The following EHMT1 variants were observed in gnomAD, a reference collection of about 807,000 sequenced individuals.
EHMT1 encodes euchromatic histone lysine methyltransferase 1.
Under a neutral mutation model 147.2 loss-of-function variants are expected in EHMT1, and 15 were observed. The ratio of observed to expected loss-of-function variants is 0.10; its 90% CI spans 0.07 to 0.16. EHMT1 has a LOEUF of 0.16. Among genes scored for constraint, EHMT1 ranks in the 10% least tolerant of loss-of-function variants. The pLI is 1.00. For synonymous variants in EHMT1, 795 were observed against 709.6 expected, an observed-to-expected ratio of 1.12 and a Z score of -1.91; for missense variants, 1,587 against 1,772.4, an observed-to-expected ratio of 0.90 and a Z score of 1.88.
Position 137,787,662 on chromosome 9 carries a change from G to T in EHMT1, c.2383-3186G>T. The T allele has an allele frequency of 1.6e-6, 1 of 622,632 alleles. No homozygotes were observed. The highest frequency in any genetic ancestry group is 2.8e-6 in the Non-Finnish European group (1 of 352,626). The allele number at this position is 622,632 out of a possible 1,614,324, so 38.6% of individuals were successfully genotyped here. On this transcript the variant is annotated intron_variant, in intron 15 of 26. Coordinates refer to ENST00000460843, the MANE Select transcript of EHMT1 (RefSeq NM_024757.5). This position sits in a 1 kb window ranked among gnomAD's most constrained non-coding sequence, Gnocchi z 4.2. ...GAGGGAGGAGGGGCCTGTCTTAAGA[G>T]CCTCACAGGCTGCACCGGGAGAGCA...
chr9:137,743,886 C>A lies in EHMT1; in HGVS notation c.982-16C>A. On this transcript the variant is annotated splice_polypyrimidine_tract_variant and intron_variant, in intron 5 of 26. Transcript: ENST00000460843. ...CACTGATCCTGCCTTGGGGTATACA[C>A]CTGCCCGTGTTCTAGGGGGAGAAGG... 1.2e-6 allele frequency: 2 copies of A among 1,604,622 alleles called. No individual in the cohort carries two copies. The highest frequency in any genetic ancestry group is 1.7e-6 in the Non-Finnish European group (2 of 1,177,028).
At chr9:137,676,700 C>T (rs957363722) in intron 1 of EHMT1, among the ~76,000 whole-genome samples, 1 of 152,188 alleles carries the variant, frequency 6.6e-6, no homozygotes, top group African/African-American at 2.4e-5. Context: ...TCCGCATGAG[C>T]AGTGGGGGAA....
chr9:137,659,980 T>A (rs1349374905), intron 1 of EHMT1, among the ~76,000 whole-genome samples: 1 of 152,122 alleles, frequency 6.6e-6, no homozygotes, highest in Non-Finnish European at 1.5e-5. Context: ...GTAATTGACC[T>A]TTTTCTGTGA....
intron 1 of EHMT1, among the ~76,000 whole-genome samples, chr9:137,629,233 C>G (rs1468587785): frequency 1.3e-5 from 2 of 151,682 alleles, no homozygotes; most frequent in Middle Eastern, 3.2e-3. Context: ...GCTGGGATTA[C>G]AGGCGCCCAC....
chr9:137,809,358 C>T (rs570236224), intron 18 of EHMT1, among the ~76,000 whole-genome samples: 3 of 152,240 alleles, frequency 2.0e-5, no homozygotes, highest in Non-Finnish European at 4.4e-5. Flanking sequence ...GCGTCCTTCT[C>T]TCTTGGGGGT....
In EHMT1 at chr9:137,801,348, G is replaced by A. The variant is rs139419008; in HGVS notation, c.2712+364G>A. On this transcript the variant is annotated intron_variant, in intron 18 of 26. Coordinates refer to ENST00000460843, the MANE Select transcript of EHMT1 (RefSeq NM_024757.5). Reference sequence around the variant, plus strand: ...TGTTTTTGTTTCTTTTATGGATGGAGTCTCGCTCTGTCGCCCAGGCTAGAG... The same window carrying A: ...TGTTTTTGTTTCTTTTATGGATGGAATCTCGCTCTGTCGCCCAGGCTAGAG... 8.0e-4 allele frequency among the ~76,000 whole-genome samples: 122 copies of A among 152,342 alleles called. 1 individual carries two copies. The highest frequency in any genetic ancestry group is 1.4e-3 in the Non-Finnish European group (95 of 68,034).
At chr9:137,829,911 A>G (rs1439359957) in intron 25 of EHMT1, among the ~76,000 whole-genome samples, 1 of 152,186 alleles carries the variant, frequency 6.6e-6, no homozygotes, top group Non-Finnish European at 1.5e-5. Flanking sequence ...ATTAACAGAC[A>G]TTCTTCTGTT....
At position 137,787,613 on chromosome 9, in the gene EHMT1, G is replaced by C. The variant is rs1952088098; in HGVS notation, c.2383-3235G>C. 2 of 516,834 alleles carry C rather than the reference G, an allele frequency of 3.9e-6. No homozygotes were observed. Among genetic ancestry groups the C allele is most frequent in the Admixed American group, 6.4e-5 (2 of 31,126 alleles). 32.0% of individuals were successfully genotyped at this position (516,834 alleles called of 1,614,324 possible). ...ACAACCGCCTCGCCTTGGCTCCCTG[G>C]CAACAAGCTGGGGGTGGAAGCGGGA... On this transcript the variant is annotated intron_variant, in intron 15 of 26. Transcript: ENST00000460843. The surrounding 1 kb of genome is among the most constrained non-coding windows in gnomAD (Gnocchi z 4.2).
chr9:137,809,633 G>T (rs1178608398), intron 18 of EHMT1, among the ~76,000 whole-genome samples: 1 of 152,252 alleles, frequency 6.6e-6, no homozygotes, highest in Non-Finnish European at 1.5e-5. Context: ...CACCAGCAGA[G>T]CAGAACACAC....
At chr9:137,666,548 C>T (rs1939672888) in intron 1 of EHMT1, among the ~76,000 whole-genome samples, 1 of 152,060 alleles carries the variant, frequency 6.6e-6, no homozygotes, top group African/African-American at 2.4e-5. Context: ...CTGTGCAGGG[C>T]AAGGGCTGGC....
intron 1 of EHMT1, among the ~76,000 whole-genome samples, chr9:137,651,222 G>A (rs1003365835): frequency 6.6e-6 from 1 of 152,158 alleles, no homozygotes; most frequent in Non-Finnish European, 1.5e-5. Flanking sequence ...TCACTTTCTT[G>A]ATAGTATCCT....
At chr9:137,665,394 G>T (rs910463571) in intron 1 of EHMT1, among the ~76,000 whole-genome samples, 1 of 152,168 alleles carries the variant, frequency 6.6e-6, no homozygotes, top group Non-Finnish European at 1.5e-5. Context: ...CGTCGTGCAG[G>T]TGCGTCCTGG....
At chr9:137,789,468 G>T (rs561635678) in intron 15 of EHMT1, among the ~76,000 whole-genome samples, 25 of 152,312 alleles carry the variant, frequency 1.6e-4, no homozygotes, top group Non-Finnish European at 3.2e-4. Context: ...CTCGTTTTGT[G>T]TTTTTTTAAG....
chr9:137,677,449 T>A (rs1466590439), intron 1 of EHMT1, among the ~76,000 whole-genome samples: 2 of 152,080 alleles, frequency 1.3e-5, no homozygotes, highest in Non-Finnish European at 2.9e-5. Flanking sequence ...TGGACATTTT[T>A]AATTTTTTTT....
intron 9 of EHMT1, among the ~76,000 whole-genome samples, chr9:137,759,879 G>A (rs1475794409): frequency 6.6e-6 from 1 of 152,244 alleles, no homozygotes; most frequent in Non-Finnish European, 1.5e-5. Flanking sequence ...CCATCGGCCT[G>A]TGGAGTGTGC....
intron 4 of EHMT1, among the ~76,000 whole-genome samples, chr9:137,739,073 T>TAAA (rs775002104): frequency 7.2e-6 from 1 of 139,568 alleles, no homozygotes; most frequent in Non-Finnish European, 1.6e-5. Context: ...ATTTTACTAG[T>TAAA]AAAAAAAAAA....
In EHMT1 at chr9:137,811,550, C is replaced by G. The variant is rs142883326; in HGVS notation, c.2802C>G (p.Ala934=). Residue 934 remains alanine, a synonymous_variant, in exon 19 of 27, where the codon GCC becomes GCG. Coordinates refer to ENST00000460843, the MANE Select transcript of EHMT1 (RefSeq NM_024757.5). The part of the protein sequence containing the change: ...ILLAAKCDLH[A]VNIHGDSPLH... ...TGGCTGCCAAGTGCGACCTCCACGC[C>G]GTGAACATCCACGGAGACTCGCCAC... 1 of 1,609,206 alleles carries G rather than the reference C, an allele frequency of 6.2e-7. No homozygotes were observed. Among genetic ancestry groups the G allele is most frequent in the Non-Finnish European group, 8.5e-7 (1 of 1,180,008 alleles).
chr9:137,775,041 C>A lies in EHMT1; in HGVS notation c.1648-68C>A. The stretch of plus-strand genomic sequence containing the variant: ...GCTCTTGTGTGCCTGCACTGCCCAG[C>A]GCCTGGTGGGAGGGAATGCCGGCCT... On this transcript the variant is annotated intron_variant, in intron 10 of 26. Coordinates refer to ENST00000460843, the MANE Select transcript of EHMT1 (RefSeq NM_024757.5). This position sits in a 1 kb window ranked among gnomAD's most constrained non-coding sequence, Gnocchi z 6.1. 1 of 1,608,528 alleles carries A rather than the reference C, an allele frequency of 6.2e-7. No homozygotes were observed. The highest frequency in any genetic ancestry group is 8.5e-7 in the Non-Finnish European group (1 of 1,176,082).
chr9:137,814,640 G>A, intron 22 of EHMT1, 132 bp downstream of exon 22: 4 of 1,048,754 alleles, frequency 3.8e-6, no homozygotes, highest in Non-Finnish European at 2.9e-6. Context: ...TGAGCTGGGT[G>A]TGACAGGCAG....
Sources: allele counts gnomAD v4.1 joint callset (sites outside exome capture counted in the v4.1 genomes callset), GRCh38; gene constraint gnomAD v4.1.1; non-coding constraint Gnocchi (gnomAD v3.1); transcripts MANE v1.5; gene names NCBI Gene and HGNC (gene_info 2026-07-23, HGNC 2026-07-21).